USH1C: variants seen among roughly 807,000 people sequenced by gnomAD.
The protein encoded by USH1C is harmonin.
Under a neutral mutation model 119.3 loss-of-function variants are expected in USH1C, and 90 were observed. The observed-to-expected ratio is 0.75, with a 90% CI of 0.64 to 0.90. The LOEUF is 0.90. Among genes scored for constraint, USH1C ranks in the 40% least tolerant of loss-of-function variants. The probability of loss-of-function intolerance (pLI) is 0.00; values close to 1 mark genes in which losing one functional copy is unlikely to be tolerated. For synonymous variants in USH1C, 465 were observed against 443.3 expected, an observed-to-expected ratio of 1.05 and a Z score of -0.62; for missense variants, 1,165 against 1,167.7, an observed-to-expected ratio of 1.00 and a Z score of 0.03.
At chr11:17,524,660 C>G (rs1035925703) in intron 8 of USH1C, 125 bp from the exon 9 acceptor site, 1 of 1,068,118 alleles carries the variant, frequency 9.4e-7, no homozygotes, top group African/African-American at 1.6e-5. Context: ...CTCTGTGTCC[C>G]TCTCCAGCCT....
intron 4 of USH1C, among the ~76,000 whole-genome samples, chr11:17,530,825 G>A (rs1474396527): frequency 6.6e-6 from 1 of 152,190 alleles, no homozygotes; most frequent in Non-Finnish European, 1.5e-5. Context: ...AAGGCAACAG[G>A]TCCAAAACTT....
At chr11:17,520,722 TG>T in intron 14 of USH1C, 147 bp downstream of exon 14, 1 of 955,640 alleles carries the variant, frequency 1.0e-6, no homozygotes, top group Non-Finnish European at 1.7e-6. Context: ...CTGGGGCAGA[TG>T]GTCTCTGACC....
chr11:17,517,300 C>T lies in USH1C; in HGVS notation c.1211-1010G>A. The T allele has an allele frequency of 8.1e-7, 1 of 1,230,728 alleles. No individual in the cohort carries two copies. Among genetic ancestry groups the T allele is most frequent in the Non-Finnish European group, 1.2e-6 (1 of 864,056 alleles). The allele number at this position is 1,230,728 out of a possible 1,614,324, so 76.2% of individuals were successfully genotyped here. On this transcript the variant is annotated intron_variant, in intron 14 of 26. Transcript: ENST00000005226. Reference sequence around the variant, plus strand: ...TTTACAGACTCTATTGGCCCCCACACATGCTGGGCCCCTGAAGCTGGGTGT... The same window carrying T: ...TTTACAGACTCTATTGGCCCCCACATATGCTGGGCCCCTGAAGCTGGGTGT...
chr11:17,527,546 T>C (rs1421323621), intron 4 of USH1C, among the ~76,000 whole-genome samples: 1 of 152,064 alleles, frequency 6.6e-6, no homozygotes, highest in Non-Finnish European at 1.5e-5. Context: ...TCGCCCCATT[T>C]TACAGATGGA....
At chr11:17,505,653 A>G (rs767543508) in intron 19 of USH1C, among the ~76,000 whole-genome samples, 177 bp downstream of exon 19, 4 of 152,250 alleles carry the variant, frequency 2.6e-5, no homozygotes, top group Admixed American at 1.3e-4. Context: ...TGGTCATGTC[A>G]ACATCCACTT....
Position 17,495,619 on chromosome 11 carries a change from C to G in USH1C, c.2605G>C (p.Asp869His). 9 of 1,614,228 alleles carry G rather than the reference C, an allele frequency of 5.6e-6. No individual in the cohort carries two copies. The highest frequency in any genetic ancestry group is 7.6e-6 in the Non-Finnish European group (9 of 1,180,044). Reference protein sequence around the residue: ...SPQPVRKLLEDRAAVHRHGFL... With the variant: ...SPQPVRKLLEHRAAVHRHGFL... ...CCGTGTCTGTGCACGGCAGCACGGTCTTCAAGGAGCTTTCGGACCGGTTGG... is the reference window on the plus strand; with the variant it reads ...CCGTGTCTGTGCACGGCAGCACGGTGTTCAAGGAGCTTTCGGACCGGTTGG... The change falls in exon 26 of 27, where the codon GAC (aspartate) becomes CAC (histidine). Residue 869 changes from aspartate to histidine, a missense_variant. By Grantham distance (81) the Asp-to-His change is moderately conservative. Coordinates refer to ENST00000005226, the MANE Select transcript of USH1C (RefSeq NM_153676.4).
rs1849272206 is a variant in USH1C at position 17,496,956 on chromosome 11, G to T, written c.2491-143C>A. On this transcript the variant is annotated intron_variant, in intron 24 of 26. Transcript: ENST00000005226. ...CCCACGGGCCCACCTGGGGCCCACT[G>T]TGACTTCCATGGTCTGAGGACGTTT... is the stretch of plus-strand genomic sequence containing the variant. The T allele has an allele frequency of 1.5e-5, 13 of 868,598 alleles. No homozygotes were observed. The South Asian group carries it at 2.0e-4, about 13-fold the overall frequency. The allele number at this position is 868,598 out of a possible 1,614,324, so 53.8% of individuals were successfully genotyped here. A position where few individuals can be genotyped will look rare whatever the true frequency, so the allele number is the denominator to read the frequency against.
At chr11:17,522,706 C>A (rs148900847) in intron 12 of USH1C, 78 bp downstream of exon 12, 3 of 1,601,244 alleles carry the variant, frequency 1.9e-6, no homozygotes, top group South Asian at 2.2e-5. Context: ...GGGGACACAG[C>A]GGGCAGGAAG....
intron 1 of USH1C, among the ~76,000 whole-genome samples, chr11:17,543,423 C>G (rs577044793): frequency 4.6e-4 from 70 of 152,258 alleles, no homozygotes; most frequent in East Asian, 1.4e-3. Flanking sequence ...CCCACCCCCC[C>G]CAAGCGGCTT....
At chr11:17,499,626 C>G (rs1051669444) in intron 23 of USH1C, among the ~76,000 whole-genome samples, 2 of 152,202 alleles carry the variant, frequency 1.3e-5, no homozygotes, top group African/African-American at 2.4e-5. Context: ...GAAGGTGGGG[C>G]CTGGGTGGGC....
chr11:17,511,889 G>T lies in USH1C; in HGVS notation c.1413+13C>A. The T allele has an allele frequency of 1.2e-6, 2 of 1,611,322 alleles. No homozygotes were observed. Among genetic ancestry groups the T allele is most frequent in the Non-Finnish European group, 1.7e-6 (2 of 1,178,810 alleles). ...CCAGGGTTGCTTGCCTGGCCTGCAG[G>T]CAGGACACATACCTCCTGGGCCAGC... is the stretch of plus-strand genomic sequence containing the variant. On this transcript the variant is annotated intron_variant, in intron 16 of 26. Transcript: ENST00000005226.
chr11:17,508,130 A>T (rs1222533795), intron 18 of USH1C, among the ~76,000 whole-genome samples: 1 of 152,208 alleles, frequency 6.6e-6, no homozygotes, highest in African/African-American at 2.4e-5. Context: ...ATCTTGATGG[A>T]GGCCACTTAC....
intron 12 of USH1C, among the ~76,000 whole-genome samples, 198 bp from the exon 13 acceptor site, chr11:17,521,609 T>C (rs1850418058): frequency 6.6e-6 from 1 of 152,176 alleles, no homozygotes; most frequent in Non-Finnish European, 1.5e-5. Context: ...TTGTCTGGCA[T>C]GGCTGAGCAG....
intron 16 of USH1C, among the ~76,000 whole-genome samples, chr11:17,511,342 G>GT (rs898770485): frequency 3.9e-5 from 6 of 152,084 alleles, no homozygotes; most frequent in African/African-American, 1.4e-4. Context: ...GTTGGGTGGG[G>GT]GGGGGTCTGG....
intron 20 of USH1C, chr11:17,502,196 T>C (rs1438302131): frequency 1.8e-6 from 1 of 551,910 alleles, no homozygotes; most frequent in Non-Finnish European, 3.2e-6. Context: ...AGGAAGACTT[T>C]AGAGGATCTT....
intron 18 of USH1C, among the ~76,000 whole-genome samples, chr11:17,506,697 C>T (rs1426454864): frequency 3.3e-5 from 5 of 152,210 alleles, no homozygotes; most frequent in East Asian, 1.9e-4. Flanking sequence ...TTCCTTCTTC[C>T]GCTTTGCCTC....
intron 24 of USH1C, among the ~76,000 whole-genome samples, chr11:17,497,217 A>G (rs1037388398): frequency 6.6e-6 from 1 of 152,168 alleles, no homozygotes; most frequent in African/African-American, 2.4e-5. Flanking sequence ...CTGATGCACA[A>G]TCAAGTGGGG....
chr11:17,523,552 C>T (rs1458603706), intron 9 of USH1C, 74 bp from the exon 10 acceptor site: 2 of 1,465,020 alleles, frequency 1.4e-6, no homozygotes, highest in Admixed American at 3.5e-5. Flanking sequence ...ACAGGCTCCC[C>T]CAGGGGCTCT....
In USH1C at chr11:17,498,596, G is replaced by T. The variant is rs193177743; in HGVS notation, c.2381-325C>A. ...GAGGCCTGAGTCAATTCTGCCAGCC[G>T]GCCCTCCCTGTTGCCAGTCATGCTG... On this transcript the variant is annotated intron_variant, in intron 23 of 26. Transcript: ENST00000005226. 2.8e-3 allele frequency among the ~76,000 whole-genome samples: 422 copies of T among 152,272 alleles called. 1 individual carries two copies. The highest frequency in any genetic ancestry group is 4.7e-3 in the Non-Finnish European group (319 of 68,024).
Sources: gnomAD v4.1 joint callset for allele counts (sites outside exome capture counted in the v4.1 genomes callset) on GRCh38, gnomAD v4.1.1 for gene constraint, MANE v1.5 for transcripts, NCBI Gene and HGNC (gene_info 2026-07-23, HGNC 2026-07-21) for gene names.